UBE2G2: variants seen among roughly 807,000 people sequenced by gnomAD.
UBE2G2 encodes ubiquitin-conjugating enzyme E2 G2.
A neutral mutation model predicts 23.0 loss-of-function variants in UBE2G2; 10 were observed. The observed-to-expected ratio is 0.43, with a 90% confidence interval of 0.27 to 0.74. The LOEUF (loss-of-function observed/expected upper bound fraction) is 0.74. UBE2G2 is among the 30% of genes least tolerant of loss of function. The probability of loss-of-function intolerance (pLI) is 0.19; values close to 1 mark genes in which losing one functional copy is unlikely to be tolerated. For synonymous variants in UBE2G2, 86 were observed against 81.3 expected (o/e 1.06, Z -0.31); for missense variants, 150 against 218.3 (o/e 0.69, Z 1.97).
chr21:44,798,180 T>C (rs1006144848), intron 1 of UBE2G2, among the ~76,000 whole-genome samples: 4 of 152,212 alleles, frequency 2.6e-5, no homozygotes, highest in African/African-American at 4.8e-5. Context: ...TAAATAATTA[T>C]TATTTGCCAA....
rs199928882 is a variant in UBE2G2, at chr21:44,773,189, AC to A, written c.385+357del. ...GGCCTCTAACTGCTGGTAGGCTTGG[AC>A]AGTTCCCTAGAACGTAGGAACAAAG... is the stretch of plus-strand genomic sequence containing the variant. On this transcript the variant is annotated intron_variant, in intron 5 of 5. Coordinates refer to ENST00000345496, the MANE Select transcript of UBE2G2 (RefSeq NM_003343.6). 9.8e-3 allele frequency among the ~76,000 whole-genome samples: 1,498 copies of A among 152,284 alleles called. 13 individuals are homozygous for A. Among genetic ancestry groups the A allele is most frequent in the Non-Finnish European group, 0.015 (1,023 of 68,010 alleles).
chr21:44,774,860 C>A (rs2082901304), intron 4 of UBE2G2: 1 of 383,194 alleles, frequency 2.6e-6, no homozygotes, highest in Non-Finnish European at 5.2e-6. Flanking sequence ...GTGTCCCTGC[C>A]ACAGCCCCTC....
rs782516152 is a variant in UBE2G2 at position 44,773,613 on chromosome 21, C to T, written c.319G>A (p.Ala107Thr). The change falls in exon 5 of 6, where the codon GCG becomes ACG. Residue 107 changes from alanine (A) to threonine (T), a missense_variant. Ala to Thr is a moderately conservative substitution (Grantham distance 58). Coordinates refer to ENST00000345496, the MANE Select transcript of UBE2G2 (RefSeq NM_003343.6). ...GDDPMGYESS[A>T]ERWSPVQSVE... Reference sequence around the variant, plus strand: ...CTCTGCACAGGACTCCACCGCTCCGCGCTGCTCTCGTAGCCCATGGGGTCA... The same window carrying T: ...CTCTGCACAGGACTCCACCGCTCCGTGCTGCTCTCGTAGCCCATGGGGTCA... 19 of 1,612,274 alleles carry T rather than the reference C, an allele frequency of 1.2e-5. No individual in the cohort carries two copies. The highest frequency in any genetic ancestry group is 1.6e-5 in the Non-Finnish European group (19 of 1,180,014).
In UBE2G2 at chr21:44,772,016, C is replaced by A. The variant is rs782146391; in HGVS notation, c.386-527G>T. ...GATACCTGACCCACCCCCTAGCCAGCGGCACTGGCAGTCACTGCAGAACTG... is the reference window on the plus strand; with the variant it reads ...GATACCTGACCCACCCCCTAGCCAGAGGCACTGGCAGTCACTGCAGAACTG... On this transcript the variant is annotated intron_variant, in intron 5 of 5. Transcript: ENST00000345496. The surrounding 1 kb of genome is among the most constrained non-coding windows in gnomAD (Gnocchi z 5.4). Among the ~76,000 whole-genome samples, 4 of 152,204 alleles carry A rather than the reference C, an allele frequency of 2.6e-5. No individual in the cohort carries two copies. The highest frequency in any genetic ancestry group is 5.9e-5 in the Non-Finnish European group (4 of 68,028).
intron 1 of UBE2G2, among the ~76,000 whole-genome samples, chr21:44,794,952 G>A (rs747361948): frequency 2.6e-5 from 4 of 152,196 alleles, no homozygotes. Context: ...AACATCACGA[G>A]TCTTATGGAA....
chr21:44,783,226 C>G (rs1244539831), intron 3 of UBE2G2, among the ~76,000 whole-genome samples: 1 of 152,208 alleles, frequency 6.6e-6, no homozygotes. Flanking sequence ...GGAGACCCCA[C>G]TTTACACCCA....
chr21:44,794,529 CTTTTT>C (rs1471157208), intron 1 of UBE2G2, among the ~76,000 whole-genome samples: 1 of 143,364 alleles, frequency 7.0e-6, no homozygotes, highest in Non-Finnish European at 1.5e-5. Context: ...AAAAACCCTT[CTTTTT>C]TTGTTTTTTT....
Position 44,773,566 on chromosome 21 carries a change from C to T in UBE2G2, c.366G>A (p.Ser122=), listed in dbSNP as rs782638248. Residue 122 remains serine (S), a synonymous_variant, in exon 5 of 6, where the codon TCG becomes TCA. Coordinates refer to ENST00000345496, the MANE Select transcript of UBE2G2 (RefSeq NM_003343.6). ...PVQSVEKILL[S]VVSMLAEPND... The stretch of plus-strand genomic sequence containing the variant: ...CCTTACCTGCCAGCATGCTCACCAC[C>T]GACAGCAGGATCTTCTCCACACTCT... 1.1e-5 allele frequency: 17 copies of T among 1,609,724 alleles called. No individual in the cohort carries two copies. Among genetic ancestry groups the T allele is most frequent in the Middle Eastern group, 1.6e-4 (1 of 6,076 alleles).
chr21:44,775,108 C>G (rs1178776706), intron 4 of UBE2G2: 2 of 161,440 alleles, frequency 1.2e-5, no homozygotes, highest in Non-Finnish European at 2.7e-5. Context: ...TTCCGCCACT[C>G]CCAGGAGAAA....
At chr21:44,773,774 C>A (rs2082892136) in intron 4 of UBE2G2, 87 bp from the exon 5 acceptor site, 1 of 1,530,750 alleles carries the variant, frequency 6.5e-7, no homozygotes, top group Non-Finnish European at 8.8e-7. Context: ...ATAATGAGAA[C>A]AAAGACTGCA....
intron 3 of UBE2G2, chr21:44,785,663 C>T (rs1185066547): frequency 6.6e-6 from 1 of 152,204 alleles, no homozygotes; most frequent in Non-Finnish European, 1.5e-5. Flanking sequence ...AGAAACTTAT[C>T]ACCAAGGAGC....
intron 1 of UBE2G2, 50 bp downstream of exon 1, chr21:44,801,656 C>T: frequency 1.3e-6 from 2 of 1,499,016 alleles, no homozygotes; most frequent in Non-Finnish European, 8.9e-7. Context: ...GACGCGGGCC[C>T]GGGAGCAGGA....
At position 44,801,462 on chromosome 21, in the gene UBE2G2, T is replaced by C; in HGVS notation, c.43+244A>G. ...CCCGCAAAGACTCAACTGTGTGTGCTCTCAACTAACACGGCGCCGGCGCTG... is the reference window on the plus strand; with the variant it reads ...CCCGCAAAGACTCAACTGTGTGTGCCCTCAACTAACACGGCGCCGGCGCTG... On this transcript the variant is annotated intron_variant, in intron 1 of 5. Coordinates refer to ENST00000345496, the MANE Select transcript of UBE2G2 (RefSeq NM_003343.6). 2.5e-6 allele frequency: 3 copies of C among 1,180,378 alleles called. No homozygotes were observed. The South Asian group carries it at 7.3e-5, about 29-fold the overall frequency. The allele number at this position is 1,180,378 out of a possible 1,614,324, so 73.1% of individuals were successfully genotyped here. A position where few individuals can be genotyped will look rare whatever the true frequency, so the allele number is the denominator to read the frequency against.
chr21:44,774,871 C>A, intron 4 of UBE2G2: 1 of 375,192 alleles, frequency 2.7e-6, no homozygotes, highest in East Asian at 8.5e-5. Context: ...ACAGCCCCTC[C>A]TTCACCAAGT....
Position 44,798,114 on chromosome 21 carries a change from C to T in UBE2G2, c.43+3592G>A, listed in dbSNP as rs137869877. On this transcript the variant is annotated intron_variant, in intron 1 of 5. Coordinates refer to ENST00000345496, the MANE Select transcript of UBE2G2 (RefSeq NM_003343.6). ...AGGCTTGCAATGAGCTGTGGTTGTGCCACTGCACTCCAACCTGGGTGACAG... is the reference window on the plus strand; with the variant it reads ...AGGCTTGCAATGAGCTGTGGTTGTGTCACTGCACTCCAACCTGGGTGACAG... Among the ~76,000 whole-genome samples, 774 of 152,244 alleles carry T rather than the reference C, an allele frequency of 5.1e-3. 8 individuals carry two copies. Among genetic ancestry groups the T allele is most frequent in the African/African-American group, 0.018 (743 of 41,530 alleles).
In UBE2G2 at chr21:44,773,567, G is replaced by A. The variant is rs782235953; in HGVS notation, c.365C>T (p.Ser122Leu). Residue 122 changes from serine (S) to leucine (L), a missense_variant, in exon 5 of 6, where the codon TCG becomes TTG. Transcript: ENST00000345496. ...PVQSVEKILL[S>L]VVSMLAEPND... Reference sequence around the variant, plus strand: ...CTTACCTGCCAGCATGCTCACCACCGACAGCAGGATCTTCTCCACACTCTG... The same window carrying A: ...CTTACCTGCCAGCATGCTCACCACCAACAGCAGGATCTTCTCCACACTCTG... 5.6e-6 allele frequency: 9 copies of A among 1,609,836 alleles called. No individual in the cohort carries two copies. Among genetic ancestry groups the A allele is most frequent in the Non-Finnish European group, 7.6e-6 (9 of 1,179,834 alleles).
intron 1 of UBE2G2, among the ~76,000 whole-genome samples, chr21:44,795,956 G>A (rs1439415536): frequency 6.6e-6 from 1 of 152,160 alleles, no homozygotes; most frequent in Non-Finnish European, 1.5e-5. Context: ...AAACGCCAAG[G>A]ATGACCAACA....
chr21:44,773,232 A>G (rs920541280), intron 5 of UBE2G2, among the ~76,000 whole-genome samples: 12 of 152,278 alleles, frequency 7.9e-5, no homozygotes, highest in Admixed American at 4.6e-4. Context: ...GGTCTTTGTC[A>G]CACGAAGCTT....
At chr21:44,797,438 C>T (rs112020534) in intron 1 of UBE2G2, among the ~76,000 whole-genome samples, 19,029 of 152,152 alleles carry the variant, frequency 0.13, 1,351 homozygotes, top group Middle Eastern at 0.22. Flanking sequence ...ATGAGAAGGC[C>T]GGGCGTGGTG....
Sources: allele counts gnomAD v4.1 joint callset (sites outside exome capture counted in the v4.1 genomes callset), GRCh38; gene constraint gnomAD v4.1.1; non-coding constraint Gnocchi (gnomAD v3.1); transcripts MANE v1.5; gene names NCBI Gene and HGNC (gene_info 2026-07-23, HGNC 2026-07-21).